The following GNA12 variants were observed in gnomAD, a reference collection of about 807,000 sequenced individuals.
The protein encoded by GNA12 is guanine nucleotide-binding protein subunit alpha-12.
In GNA12, 9 loss-of-function variants were observed where a neutral mutation model predicts 26.0. That is an observed-to-expected ratio of 0.35 (90% confidence interval 0.21 to 0.60). GNA12 has a LOEUF of 0.60. GNA12 is among the 20% of genes least tolerant of loss of function. GNA12 has a pLI of 0.78. For synonymous variants in GNA12, 264 were observed against 219.6 expected, an observed-to-expected ratio of 1.20 and a Z score of -1.79; for missense variants, 405 against 525.8, an observed-to-expected ratio of 0.77 and a Z score of 2.25.
At chr7:2,821,697 T>C (rs1394804688) in intron 1 of GNA12, among the ~76,000 whole-genome samples, 1 of 152,150 alleles carries the variant, frequency 6.6e-6, no homozygotes, top group Non-Finnish European at 1.5e-5. Context: ...TGAACAATGC[T>C]AGGTAAGCTC....
chr7:2,792,110 C>A (rs1792535513), intron 2 of GNA12, among the ~76,000 whole-genome samples: 1 of 152,204 alleles, frequency 6.6e-6, no homozygotes, highest in Non-Finnish European at 1.5e-5. Context: ...TAATCACCCG[C>A]CAAGTGCACG....
intron 1 of GNA12, among the ~76,000 whole-genome samples, chr7:2,806,071 G>A (rs754368927): frequency 3.3e-5 from 5 of 152,088 alleles, no homozygotes; most frequent in Admixed American, 6.5e-5. Flanking sequence ...TTTTTCTTTC[G>A]TTCTTTCTCC....
intron 1 of GNA12, among the ~76,000 whole-genome samples, chr7:2,833,507 A>C (rs997442697): frequency 1.3e-5 from 2 of 152,206 alleles, no homozygotes; most frequent in Admixed American, 1.3e-4. Context: ...TATTTCGTTA[A>C]GATAATCAAC....
In GNA12 at chr7:2,836,119, C is replaced by CAA. The variant is rs35734348; in HGVS notation, c.309+7732_309+7733dup. 11 of 225,472 alleles carry CAA rather than the reference C, an allele frequency of 4.9e-5. No homozygotes were observed. The Admixed American group carries it at 5.8e-4, about 12-fold the overall frequency. 14.0% of individuals were successfully genotyped at this position (225,472 alleles called of 1,614,324 possible). ...TAGAAAGTCTTACTGGCAATCTTTA[C>CAA]AAAAAAATCAAAGCAACTAGTAGAT... On this transcript the variant is annotated intron_variant, in intron 1 of 3. Coordinates refer to ENST00000275364, the MANE Select transcript of GNA12 (RefSeq NM_007353.3).
intron 1 of GNA12, among the ~76,000 whole-genome samples, chr7:2,829,074 G>GA (rs1562448453): frequency 1.3e-3 from 65 of 51,604 alleles, no homozygotes; most frequent in African/African-American, 4.2e-3. Context: ...CCCTGTCTCA[G>GA]GAAAAAAAAA....
chr7:2,788,547 C>T (rs1204004132), intron 2 of GNA12, among the ~76,000 whole-genome samples: 4 of 152,186 alleles, frequency 2.6e-5, no homozygotes, highest in African/African-American at 9.7e-5. Context: ...AAAAGTAAGT[C>T]ATGAAAAACA....
At chr7:2,829,597 C>T (rs1793556888) in intron 1 of GNA12, among the ~76,000 whole-genome samples, 1 of 152,212 alleles carries the variant, frequency 6.6e-6, no homozygotes, top group Admixed American at 6.5e-5. Context: ...TGTTTTATAT[C>T]ATCTATATAC....
chr7:2,753,865 A>G lies in GNA12; in HGVS notation c.526-20364T>C, dbSNP rs576659429. Among the ~76,000 whole-genome samples, 10 of 152,242 alleles carry G rather than the reference A, an allele frequency of 6.6e-5. No individual in the cohort carries two copies. The South Asian group carries it at 2.1e-3, about 32-fold the overall frequency. On this transcript the variant is annotated intron_variant, in intron 2 of 3. Transcript: ENST00000275364. ...GGCAACCTCCTCTTCTGGTTTAGGA[A>G]CAATCTGTTCCTTTTCAGTAAGGAT...
In GNA12 at chr7:2,808,248, T is replaced by C. The variant is rs1432159187; in HGVS notation, c.310-13105A>G. On this transcript the variant is annotated intron_variant, in intron 1 of 3. Coordinates refer to ENST00000275364, the MANE Select transcript of GNA12 (RefSeq NM_007353.3). ...TGTAAGCAGTGACCATCATGAGTAG[T>C]GCTACCCGACACCCACCTAGAGCAG... 2.6e-5 allele frequency among the ~76,000 whole-genome samples: 4 copies of C among 152,366 alleles called. No homozygotes were observed. In the East Asian group the frequency reaches 5.8e-4, roughly 22 times the overall value.
intron 1 of GNA12, among the ~76,000 whole-genome samples, chr7:2,841,259 C>A (rs1778981073): frequency 6.6e-6 from 1 of 152,210 alleles, no homozygotes; most frequent in Non-Finnish European, 1.5e-5. Flanking sequence ...TCACCCCATT[C>A]TCCTGCCAGG....
chr7:2,793,837 G>A (rs1055599306), intron 2 of GNA12, among the ~76,000 whole-genome samples: 2 of 146,564 alleles, frequency 1.4e-5, no homozygotes, highest in Non-Finnish European at 1.5e-5. Context: ...AGCTGAGATG[G>A]CGCCACTGCA....
rs536038171 is a variant in GNA12, at chr7:2,815,132, T to C, written c.310-19989A>G. The C allele has an allele frequency of 7.8e-6, 6 of 769,234 alleles. No homozygotes were observed. In the Admixed American group the frequency reaches 1.2e-4, roughly 16 times the overall value. The allele number at this position is 769,234 out of a possible 1,614,324, so 47.7% of individuals were successfully genotyped here. A position where few individuals can be genotyped will look rare whatever the true frequency, so the allele number is the denominator to read the frequency against. ...GCCCGCATGAGGCTTCCAAGCTCAC[T>C]GGAGAAGGAGCAATACAAAAAGCAA... On this transcript the variant is annotated intron_variant, in intron 1 of 3. Transcript: ENST00000275364.
chr7:2,792,914 A>G (rs1161700724), intron 2 of GNA12, among the ~76,000 whole-genome samples: 1 of 152,252 alleles, frequency 6.6e-6, no homozygotes, highest in East Asian at 1.9e-4. Context: ...ATGTGTTAAC[A>G]ACACAGAGAA....
intron 1 of GNA12, among the ~76,000 whole-genome samples, chr7:2,839,550 A>AT (rs1562452955): frequency 1.3e-5 from 2 of 152,164 alleles, no homozygotes; most frequent in Middle Eastern, 3.4e-3. Flanking sequence ...CACCCAGCCA[A>AT]TTTTTGTATT....
intron 2 of GNA12, among the ~76,000 whole-genome samples, chr7:2,764,312 G>A (rs1300436963): frequency 2.6e-5 from 4 of 151,456 alleles, no homozygotes; most frequent in African/African-American, 9.7e-5. Context: ...CAAACTCCTA[G>A]GCTGGAGTGA....
At chr7:2,738,901 C>T (rs1392954715) in intron 2 of GNA12, among the ~76,000 whole-genome samples, 1 of 152,194 alleles carries the variant, frequency 6.6e-6, no homozygotes, top group Non-Finnish European at 1.5e-5. Flanking sequence ...TCTGGCCACG[C>T]TTTGGCCCCC....
chr7:2,839,199 C>A (rs954809001), intron 1 of GNA12, among the ~76,000 whole-genome samples: 1 of 152,114 alleles, frequency 6.6e-6, no homozygotes, highest in Non-Finnish European at 1.5e-5. Context: ...ATAGTGGAGT[C>A]GAACCAGAAA....
At chr7:2,825,966 G>A (rs1454860201) in intron 1 of GNA12, among the ~76,000 whole-genome samples, 3 of 152,192 alleles carry the variant, frequency 2.0e-5, no homozygotes, top group South Asian at 2.1e-4. Context: ...CTCTTAGGGC[G>A]GCTAAAATCC....
rs367766022 is a variant in GNA12, at chr7:2,836,690, G to A, written c.309+7163C>T. On this transcript the variant is annotated intron_variant, in intron 1 of 3. Transcript: ENST00000275364. Reference sequence around the variant, plus strand: ...TGTAATCCCAGCACTTTGGGAGGCCGAGGCGGGTGGATCACCTGAGGTCAG... The same window carrying A: ...TGTAATCCCAGCACTTTGGGAGGCCAAGGCGGGTGGATCACCTGAGGTCAG... Among the ~76,000 whole-genome samples the A allele has an allele frequency of 5.4e-4, 82 of 152,150 alleles. No homozygotes were observed. In the South Asian group the frequency reaches 7.3e-3, roughly 13 times the overall value.
Sources: allele counts gnomAD v4.1 joint callset (sites outside exome capture counted in the v4.1 genomes callset), GRCh38; gene constraint gnomAD v4.1.1; transcripts MANE v1.5; gene names NCBI Gene and HGNC (gene_info 2026-07-23, HGNC 2026-07-21).